Variants in LMCD1 observed in about 807,000 individuals in gnomAD.
LMCD1 encodes LIM and cysteine-rich domains protein 1.
In LMCD1, 32 loss-of-function variants were observed where a neutral mutation model predicts 42.7. The ratio of observed to expected loss-of-function variants is 0.75; its 90% CI spans 0.57 to 1.01. The LOEUF is 1.01. Among genes scored for constraint, LMCD1 ranks in the 50% least tolerant of loss-of-function variants. LMCD1 has a pLI of 0.00. For synonymous variants in LMCD1, 178 were observed against 184.9 expected, an observed-to-expected ratio of 0.96 and a Z score of 0.30; for missense variants, 458 against 483.1, an observed-to-expected ratio of 0.95 and a Z score of 0.49.
intron 3 of LMCD1, among the ~76,000 whole-genome samples, chr3:8,547,400 G>T (rs192408128): frequency 2.6e-5 from 4 of 152,250 alleles, no homozygotes; most frequent in African/African-American, 9.6e-5. Flanking sequence ...AAGAAGACTG[G>T]GTGCCCTTAT....
chr3:8,509,085 C>T (rs564988017), intron 1 of LMCD1, among the ~76,000 whole-genome samples: 30 of 152,280 alleles, frequency 2.0e-4, no homozygotes, highest in African/African-American at 3.6e-4. Flanking sequence ...TACATTTAAA[C>T]GATAGTTTAA....
intron 1 of LMCD1, among the ~76,000 whole-genome samples, chr3:8,526,395 C>T (rs1694300577): frequency 1.3e-5 from 2 of 152,290 alleles, no homozygotes; most frequent in Non-Finnish European, 2.9e-5. Context: ...CCCCTTTGAA[C>T]CCCACTTAAC....
chr3:8,520,336 A>G (rs1264667982), intron 1 of LMCD1, among the ~76,000 whole-genome samples: 1 of 152,196 alleles, frequency 6.6e-6, no homozygotes, highest in Non-Finnish European at 1.5e-5. Context: ...ATAAGTAGGT[A>G]TTGCTGACCT....
chr3:8,512,090 G>T (rs925469693), intron 1 of LMCD1, among the ~76,000 whole-genome samples: 2 of 152,180 alleles, frequency 1.3e-5, no homozygotes, highest in African/African-American at 4.8e-5. Flanking sequence ...TGAAAACACC[G>T]TTCAGAACAC....
intron 4 of LMCD1, among the ~76,000 whole-genome samples, chr3:8,560,433 G>C (rs1695012182): frequency 6.6e-6 from 1 of 151,820 alleles, no homozygotes; most frequent in Non-Finnish European, 1.5e-5. Flanking sequence ...GACCAATCCA[G>C]GTGCATTTCT....
At chr3:8,515,811 G>A (rs1694086662) in intron 1 of LMCD1, among the ~76,000 whole-genome samples, 1 of 152,134 alleles carries the variant, frequency 6.6e-6, no homozygotes, top group Non-Finnish European at 1.5e-5. Flanking sequence ...CAAAACAGCT[G>A]TGGAATAGAG....
At chr3:8,551,409 T>A (rs1365329619) in intron 4 of LMCD1, 2 of 902,462 alleles carry the variant, frequency 2.2e-6, no homozygotes, top group Admixed American at 1.2e-4. Flanking sequence ...ACTGTCAGGG[T>A]CTATCTTTAA....
At chr3:8,525,974 T>A (rs745398129) in intron 1 of LMCD1, among the ~76,000 whole-genome samples, 1 of 152,176 alleles carries the variant, frequency 6.6e-6, no homozygotes, top group Non-Finnish European at 1.5e-5. Context: ...CCCTCGATAC[T>A]CAAAGCGTGG....
At chr3:8,531,317 C>T (rs1231723840) in intron 1 of LMCD1, among the ~76,000 whole-genome samples, 1 of 152,136 alleles carries the variant, frequency 6.6e-6, no homozygotes, top group Non-Finnish European at 1.5e-5. Flanking sequence ...TCTGCCTGTC[C>T]ATCTTGCACA....
intron 4 of LMCD1, among the ~76,000 whole-genome samples, chr3:8,563,520 G>A (rs974165541): frequency 3.9e-5 from 6 of 152,204 alleles, no homozygotes; most frequent in Admixed American, 1.3e-4. Context: ...GCAGCTAGCC[G>A]CTTAGTGGAG....
chr3:8,547,908 C>CGTAA (rs1197897203), intron 3 of LMCD1, among the ~76,000 whole-genome samples: 1 of 152,050 alleles, frequency 6.6e-6, no homozygotes, highest in Non-Finnish European at 1.5e-5. Context: ...AAAGAATGCA[C>CGTAA]TTACACAAAC....
Position 8,565,408 on chromosome 3 carries a change from T to C in LMCD1, c.724-24T>C, listed in dbSNP as rs772263675. 1.9e-6 allele frequency: 3 copies of C among 1,604,728 alleles called. No homozygotes were observed. The East Asian group carries it at 6.7e-5, about 36-fold the overall frequency. On this transcript the variant is annotated intron_variant, in intron 4 of 5. Coordinates refer to ENST00000157600, the MANE Select transcript of LMCD1 (RefSeq NM_014583.4). ...GTGCTCTCCTGACTTCCTTGTCTCC[T>C]ATGGTCCTTCCCCATCCTTCCAGGT... is the stretch of plus-strand genomic sequence containing the variant.
rs529092662 is a variant in LMCD1, at chr3:8,539,326, T to G, written c.387+1886T>G. ...TTTTAAAAGAACACTTCAGCATCCA[T>G]GGACTCGATCACCCTGTAAGGCCGA... On this transcript the variant is annotated intron_variant, in intron 3 of 5. Coordinates refer to ENST00000157600, the MANE Select transcript of LMCD1 (RefSeq NM_014583.4). Among the ~76,000 whole-genome samples the G allele has an allele frequency of 2.6e-5, 4 of 152,218 alleles. No individual in the cohort carries two copies. In the East Asian group the frequency reaches 7.7e-4, roughly 29 times the overall value.
At chr3:8,559,064 T>C (rs542310882) in intron 4 of LMCD1, among the ~76,000 whole-genome samples, 14 of 151,908 alleles carry the variant, frequency 9.2e-5, no homozygotes, top group African/African-American at 3.1e-4. Flanking sequence ...GAGCAGGCCC[T>C]CCAAGCAGGG....
chr3:8,548,519 A>C (rs1425242145), intron 3 of LMCD1, 49 bp from the exon 4 acceptor site: 1 of 1,350,118 alleles, frequency 7.4e-7, no homozygotes, highest in East Asian at 2.4e-5. Context: ...TCTTTGACTG[A>C]TGAAGCCCCA....
At chr3:8,550,355 AG>A in intron 4 of LMCD1, 1 of 992,042 alleles carries the variant, frequency 1.0e-6, no homozygotes. Context: ...GAGATCCCCA[AG>A]CACATTATCT....
chr3:8,503,591 C>G (rs146861680), intron 1 of LMCD1, among the ~76,000 whole-genome samples: 9 of 152,272 alleles, frequency 5.9e-5, no homozygotes, highest in Admixed American at 2.0e-4. Flanking sequence ...CTTGTTCATC[C>G]CTGTTTGAAC....
Position 8,536,553 on chromosome 3 carries a change from C to T in LMCD1, c.132-632C>T, listed in dbSNP as rs142018375. On this transcript the variant is annotated intron_variant, in intron 2 of 5. Transcript: ENST00000157600. ...TCACAAATTTCTTGAAGAAAATATT[C>T]ACTGCATTCTAACGGCAGTATTTAT... Among the ~76,000 whole-genome samples, 301 of 152,308 alleles carry T rather than the reference C, an allele frequency of 2.0e-3. 3 individuals carry two copies. Among genetic ancestry groups the T allele is most frequent in the African/African-American group, 7.0e-3 (291 of 41,564 alleles).
At chr3:8,556,488 A>C (rs1694935268) in intron 4 of LMCD1, among the ~76,000 whole-genome samples, 1 of 152,122 alleles carries the variant, frequency 6.6e-6, no homozygotes, top group African/African-American at 2.4e-5. Flanking sequence ...CAAAAATTTC[A>C]AAAAACAAAG....
Sources: gnomAD v4.1 joint callset for allele counts (sites outside exome capture counted in the v4.1 genomes callset) on GRCh38, gnomAD v4.1.1 for gene constraint, MANE v1.5 for transcripts, NCBI Gene and HGNC (gene_info 2026-07-23, HGNC 2026-07-21) for gene names.